PREX2: variants seen among roughly 807,000 people sequenced by gnomAD.
The protein encoded by PREX2 is phosphatidylinositol-3,4,5-trisphosphate dependent Rac exchange factor 2.
In PREX2, 107 loss-of-function variants were observed where a neutral mutation model predicts 203.2. That is an observed-to-expected ratio of 0.53 (90% CI 0.45 to 0.62). PREX2 has a LOEUF of 0.62. Among genes scored for constraint, PREX2 ranks in the 20% least tolerant of loss-of-function variants. PREX2 has a pLI of 0.00. For missense variants in PREX2, 1,777 were observed against 1,955.9 expected, an observed-to-expected ratio of 0.91 and a Z score of 1.72; for synonymous variants, 672 against 663.6, an observed-to-expected ratio of 1.01 and a Z score of -0.19.
At chr8:68,173,068 T>C (rs1179723389) in intron 35 of PREX2, among the ~76,000 whole-genome samples, 1 of 152,214 alleles carries the variant, frequency 6.6e-6, no homozygotes, top group Admixed American at 6.5e-5. Context: ...GTTATTTGTC[T>C]GACTTCCTCA....
Position 68,127,613 on chromosome 8 carries a change from CAT to C in PREX2, c.3766+206_3766+207del, listed in dbSNP as rs950782209. 1.5e-4 allele frequency among the ~76,000 whole-genome samples: 22 copies of C among 147,704 alleles called. No homozygotes were observed. The East Asian group carries it at 1.8e-3, about 12-fold the overall frequency. On this transcript the variant is annotated intron_variant, in intron 31 of 39. Coordinates refer to ENST00000288368, the MANE Select transcript of PREX2 (RefSeq NM_024870.4). ...ATAAAAATGCAAATATATATATATACATATATATATATACACACATACTTGTA... is the reference window on the plus strand; with the variant it reads ...ATAAAAATGCAAATATATATATATACATATATATATACACACATACTTGTA...
intron 1 of PREX2, among the ~76,000 whole-genome samples, chr8:68,004,725 G>T (rs1228428038): frequency 6.6e-6 from 1 of 152,100 alleles, no homozygotes; most frequent in African/African-American, 2.4e-5. Context: ...ATTCCGTCAG[G>T]TATGGGCATT....
intron 35 of PREX2, among the ~76,000 whole-genome samples, chr8:68,187,104 A>G (rs1011945765): frequency 1.5e-4 from 22 of 150,194 alleles, no homozygotes; most frequent in African/African-American, 5.3e-4. Flanking sequence ...TTCTGTAGCA[A>G]TGCTTCCCTT....
intron 4 of PREX2, among the ~76,000 whole-genome samples, chr8:68,024,939 A>G (rs1013605145): frequency 7.9e-5 from 12 of 152,116 alleles, no homozygotes; most frequent in Admixed American, 2.0e-4. Context: ...GAAATGGAAA[A>G]TGTTCCATTT....
chr8:68,053,578 T>C (rs1038924727), intron 9 of PREX2, among the ~76,000 whole-genome samples: 1 of 152,202 alleles, frequency 6.6e-6, no homozygotes, highest in Non-Finnish European at 1.5e-5. Context: ...TTTCTTTGCA[T>C]TTTATTCTTG....
chr8:68,142,211 G>T (rs1470655111), intron 33 of PREX2, among the ~76,000 whole-genome samples: 1 of 152,096 alleles, frequency 6.6e-6, no homozygotes, highest in Non-Finnish European at 1.5e-5. Flanking sequence ...AATGTGTAAT[G>T]ACATGTATCC....
At chr8:68,003,665 A>G (rs1194530193) in intron 1 of PREX2, among the ~76,000 whole-genome samples, 1 of 152,138 alleles carries the variant, frequency 6.6e-6, no homozygotes, top group East Asian at 1.9e-4. Context: ...ATTTTTATTC[A>G]GTTGGGAAAA....
At chr8:68,020,884 A>T (rs1221405160) in intron 3 of PREX2, among the ~76,000 whole-genome samples, 1 of 152,120 alleles carries the variant, frequency 6.6e-6, no homozygotes, top group South Asian at 2.1e-4. Flanking sequence ...TCTGAAGTTT[A>T]TTTTTTTTCT....
Position 68,191,758 on chromosome 8 carries a change from C to G in PREX2, c.4383C>G (p.Asn1461Lys). 3 of 1,610,668 alleles carry G rather than the reference C, an allele frequency of 1.9e-6. No homozygotes were observed. Residue 1461 changes from asparagine (N) to lysine (K), a missense_variant, in exon 36 of 40, where the codon AAC becomes AAG. Physicochemically the swap from Asn to Lys is moderately conservative, Grantham distance 94. Coordinates refer to ENST00000288368, the MANE Select transcript of PREX2 (RefSeq NM_024870.4). ...TGGACAAGTCAAATTCACCACCAAA[C>G]TCCACATCCAAAGCTGCCTATGTAG... ...FYLDKSNSPPNSTSKAAYVDK... is the reference protein window; with the variant it reads ...FYLDKSNSPPKSTSKAAYVDK...
chr8:68,018,155 G>A (rs1013705122), intron 2 of PREX2, among the ~76,000 whole-genome samples: 22 of 151,218 alleles, frequency 1.5e-4, no homozygotes, highest in African/African-American at 5.3e-4. Context: ...CCAAGGCCTT[G>A]GGAACATTTG....
At chr8:68,017,583 C>T (rs1400412281) in intron 1 of PREX2, among the ~76,000 whole-genome samples, 1 of 152,170 alleles carries the variant, frequency 6.6e-6, no homozygotes, top group Admixed American at 6.5e-5. Context: ...ATGCTTACTT[C>T]ACAACTTTGA....
At chr8:68,100,490 G>C (rs374309499) in intron 23 of PREX2, among the ~76,000 whole-genome samples, 21 of 152,296 alleles carry the variant, frequency 1.4e-4, no homozygotes, top group African/African-American at 5.1e-4. Flanking sequence ...TAAGTGCCAG[G>C]TTGATCCTTT....
intron 14 of PREX2, among the ~76,000 whole-genome samples, chr8:68,075,267 T>G (rs1809313363): frequency 1.3e-5 from 2 of 152,236 alleles, no homozygotes; most frequent in East Asian, 3.9e-4. Flanking sequence ...GGCCAGTGTT[T>G]CATTTGAATA....
chr8:68,004,471 C>G (rs1807034686), intron 1 of PREX2, among the ~76,000 whole-genome samples: 1 of 152,146 alleles, frequency 6.6e-6, no homozygotes, highest in Non-Finnish European at 1.5e-5. Context: ...CTTTCATTTA[C>G]TATTTAGTCA....
chr8:68,224,501 G>A, intron 38 of PREX2, 58 bp from the exon 39 acceptor site: 1 of 1,267,610 alleles, frequency 7.9e-7, no homozygotes, highest in Non-Finnish European at 1.2e-6. Flanking sequence ...AATGTTAATG[G>A]TATGTTAAAT....
intron 1 of PREX2, among the ~76,000 whole-genome samples, chr8:67,958,841 T>G (rs1030745528): frequency 6.6e-6 from 1 of 152,096 alleles, no homozygotes; most frequent in South Asian, 2.1e-4. Context: ...TGACTGAGAA[T>G]TGGAATGCAG....
chr8:68,019,469 G>A lies in PREX2; in HGVS notation c.214-80G>A, dbSNP rs374132570. ...GGCATGGATGTATGGTTTTCAGGTT[G>A]GAGAGAGAATACTATGCTATCATAG... On this transcript the variant is annotated intron_variant, in intron 2 of 39. Transcript: ENST00000288368. The A allele has an allele frequency of 1.2e-5, 14 of 1,140,764 alleles. No individual in the cohort carries two copies. In the African/African-American group the frequency reaches 1.7e-4, roughly 14 times the overall value. 70.7% of individuals were successfully genotyped at this position (1,140,764 alleles called of 1,614,324 possible). A position where few individuals can be genotyped will look rare whatever the true frequency, so the allele number is the denominator to read the frequency against.
At chr8:68,142,719 G>A (rs539403935) in intron 33 of PREX2, among the ~76,000 whole-genome samples, 1 of 152,242 alleles carries the variant, frequency 6.6e-6, no homozygotes, top group East Asian at 1.9e-4. Flanking sequence ...TTTCCAGAGT[G>A]GCTATGTGCA....
chr8:68,013,319 A>G (rs1807319494), intron 1 of PREX2, among the ~76,000 whole-genome samples: 2 of 152,222 alleles, frequency 1.3e-5, no homozygotes, highest in South Asian at 2.1e-4. Flanking sequence ...TGCTTTCCCT[A>G]AGTTACATCT....
Sources: gnomAD v4.1 joint callset for allele counts (sites outside exome capture counted in the v4.1 genomes callset) on GRCh38, gnomAD v4.1.1 for gene constraint, MANE v1.5 for transcripts, NCBI Gene and HGNC (gene_info 2026-07-23, HGNC 2026-07-21) for gene names.